TEX26: variants seen among roughly 807,000 people sequenced by gnomAD.
TEX26 encodes testis-expressed protein 26.
TEX26 carries 34 observed loss-of-function variants against 35.3 expected under a neutral mutation model. The observed-to-expected ratio is 0.96, with a 90% confidence interval of 0.73 to 1.28. TEX26 has a LOEUF of 1.28. Ranked by LOEUF, TEX26 falls within the 50% of genes most tolerant of loss-of-function variation. The pLI, the probability that TEX26 is intolerant of heterozygous loss-of-function variation, is 0.00. For synonymous variants in TEX26, 136 were observed against 111.8 expected (o/e 1.22, Z -1.36); for missense variants, 371 against 330.1 (o/e 1.12, Z -0.96).
intron 5 of TEX26, 52 bp from the exon 6 acceptor site, chr13:30,968,833 G>A (rs1001115245): frequency 5.7e-6 from 9 of 1,568,028 alleles, no homozygotes; most frequent in Non-Finnish European, 7.8e-6. Flanking sequence ...GGCAAGACTG[G>A]TGTGCTTGGG....
Position 30,970,815 on chromosome 13 carries a change from C to A in TEX26, c.808+1769C>A, listed in dbSNP as rs577972403. ...CTAGGGACTCCTCAAAGTGCTCTGG[C>A]AGCCTCAGATCTACATTCTCCAAGA... On this transcript the variant is annotated intron_variant, in intron 6 of 6. Coordinates refer to ENST00000380473, the MANE Select transcript of TEX26 (RefSeq NM_152325.3). Among the ~76,000 whole-genome samples the A allele has an allele frequency of 2.2e-4, 33 of 152,244 alleles. No individual in the cohort carries two copies. The South Asian group carries it at 6.2e-3, about 29-fold the overall frequency.
rs1953299751 is a variant in TEX26, at chr13:30,937,099, G to A, written c.62-2595G>A. The A allele has an allele frequency of 5.1e-6, 3 of 587,556 alleles. No individual in the cohort carries two copies. In the African/African-American group the frequency reaches 6.1e-5, roughly 12 times the overall value. The allele number at this position is 587,556 out of a possible 1,614,324, so 36.4% of individuals were successfully genotyped here. A position where few individuals can be genotyped will look rare whatever the true frequency, so the allele number is the denominator to read the frequency against. On this transcript the variant is annotated intron_variant, in intron 1 of 6. Transcript: ENST00000380473. ...AAGCAGGTTAGGATTAGGGAGTGGA[G>A]GGTGTGCCTGATCTGTACAAAGGTA...
intron 4 of TEX26, among the ~76,000 whole-genome samples, chr13:30,964,831 C>T (rs1199763009): frequency 1.3e-5 from 2 of 152,112 alleles, no homozygotes; most frequent in East Asian, 3.9e-4. Flanking sequence ...TTGTCAGGAA[C>T]CCACTCTTGC....
At chr13:30,937,414 A>G (rs1225894617) in intron 1 of TEX26, among the ~76,000 whole-genome samples, 3 of 152,190 alleles carry the variant, frequency 2.0e-5, no homozygotes, top group South Asian at 2.1e-4. Flanking sequence ...TTTGCCTTAG[A>G]AAAAACAGGG....
At chr13:30,949,539 T>C (rs1164493700) in intron 2 of TEX26, among the ~76,000 whole-genome samples, 2 of 152,040 alleles carry the variant, frequency 1.3e-5, no homozygotes, top group Non-Finnish European at 2.9e-5. Context: ...ATGGAATGCA[T>C]ATTATAGAGA....
Position 30,937,694 on chromosome 13 carries a change from A to C in TEX26, c.62-2000A>C, listed in dbSNP as rs201567582. On this transcript the variant is annotated intron_variant, in intron 1 of 6. Coordinates refer to ENST00000380473, the MANE Select transcript of TEX26 (RefSeq NM_152325.3). The stretch of plus-strand genomic sequence containing the variant: ...TTCTTGTAGAGCAGGATTAGAGAGC[A>C]GACACTAGGAGTGCATAGAAGCACA... Among the ~76,000 whole-genome samples the C allele has an allele frequency of 1.9e-4, 29 of 152,382 alleles. No individual in the cohort carries two copies. In the East Asian group the frequency reaches 4.2e-3, roughly 22 times the overall value.
chr13:30,946,019 G>A (rs1953695106), intron 2 of TEX26, among the ~76,000 whole-genome samples: 1 of 152,010 alleles, frequency 6.6e-6, no homozygotes, highest in South Asian at 2.1e-4. Context: ...GCTCAGGAAA[G>A]TTTTCCTCAA....
intron 3 of TEX26, 57 bp downstream of exon 3, chr13:30,952,882 T>C (rs1365615583): frequency 6.9e-6 from 10 of 1,443,802 alleles, no homozygotes; most frequent in Admixed American, 2.0e-5. Context: ...CAACAACTCA[T>C]AAGAATGAGA....
intron 1 of TEX26, chr13:30,933,468 A>G (rs1454584714): frequency 2.6e-5 from 4 of 152,242 alleles, no homozygotes; most frequent in Non-Finnish European, 5.9e-5. Context: ...CCGTGTAGTC[A>G]GCTCCATCAT....
At chr13:30,969,126 C>T (rs894376657) in intron 6 of TEX26, 80 bp downstream of exon 6, 77 of 1,309,400 alleles carry the variant, frequency 5.9e-5, no homozygotes, top group Non-Finnish European at 7.3e-5. Context: ...CAAGTTCTAG[C>T]CACTGGAGTT....
chr13:30,956,917 A>G lies in TEX26; in HGVS notation c.357A>G (p.Thr119=). 6.2e-7 allele frequency: 1 copy of G among 1,614,226 alleles called. No individual in the cohort carries two copies. Among genetic ancestry groups the G allele is most frequent in the Non-Finnish European group, 8.5e-7 (1 of 1,180,012 alleles). ...WTLPHCQQTG[T]LKNCLPWKIP... is the part of the protein sequence containing the mutation. ...TACCTCACTGTCAACAAACGGGGAC[A>G]CTAAAGAACTGCCTCCCTTGGAAAA... is the stretch of plus-strand genomic sequence containing the variant. Residue 119 remains threonine (T), a synonymous_variant, in exon 4 of 7, where the codon ACA becomes ACG. Coordinates refer to ENST00000380473, the MANE Select transcript of TEX26 (RefSeq NM_152325.3).
intron 1 of TEX26, chr13:30,933,751 C>G (rs1055936268): frequency 1.3e-5 from 2 of 152,070 alleles, no homozygotes; most frequent in African/African-American, 4.8e-5. Flanking sequence ...GGGAGGATCC[C>G]CTCCTAGCAT....
intron 6 of TEX26, among the ~76,000 whole-genome samples, chr13:30,973,679 G>C (rs759983452): frequency 5.3e-5 from 8 of 152,100 alleles, no homozygotes; most frequent in Non-Finnish European, 1.2e-4. Context: ...CGCACACACA[G>C]ACATCCCTGA....
intron 6 of TEX26, among the ~76,000 whole-genome samples, chr13:30,974,129 A>AT (rs1555271800): frequency 8.9e-5 from 7 of 79,006 alleles, no homozygotes; most frequent in Non-Finnish European, 1.3e-4. Flanking sequence ...TAAAAAAAAA[A>AT]AAATATATAT....
intron 4 of TEX26, among the ~76,000 whole-genome samples, chr13:30,960,232 T>C (rs2138295544): frequency 6.6e-6 from 1 of 152,302 alleles, no homozygotes; most frequent in South Asian, 2.1e-4. Context: ...AAAACTTCTA[T>C]ACCTTTTTTG....
At position 30,966,249 on chromosome 13, in the gene TEX26, T is replaced by C; in HGVS notation, c.497T>C (p.Leu166Ser). 1 of 1,614,030 alleles carries C rather than the reference T, an allele frequency of 6.2e-7. No individual in the cohort carries two copies. Among genetic ancestry groups the C allele is most frequent in the Middle Eastern group, 1.6e-4 (1 of 6,062 alleles). ...CAGAAGATTAAGAAAAGTTCTCACT[T>C]GTCTCTGGAATGGAAAAAGTTACTT... Reference protein sequence around the residue: ...KAQKIKKSSHLSLEWKKLLPQ... With the variant: ...KAQKIKKSSHSSLEWKKLLPQ... The change falls in exon 5 of 7, where the codon TTG (leucine) becomes TCG (serine). Residue 166 changes from leucine (L) to serine (S), a missense_variant. Transcript: ENST00000380473.
chr13:30,934,732 G>A (rs1238458626), intron 1 of TEX26, among the ~76,000 whole-genome samples: 1 of 152,176 alleles, frequency 6.6e-6, no homozygotes, highest in Non-Finnish European at 1.5e-5. Flanking sequence ...TGGGATGGGA[G>A]CTCCCTGTGC....
chr13:30,939,324 C>T (rs1323689670), intron 1 of TEX26, among the ~76,000 whole-genome samples: 1 of 152,102 alleles, frequency 6.6e-6, no homozygotes, highest in Non-Finnish European at 1.5e-5. Flanking sequence ...TTCCGTGTGT[C>T]TATAGGTACA....
At chr13:30,940,173 G>A (rs1255037793) in intron 2 of TEX26, among the ~76,000 whole-genome samples, 1 of 151,972 alleles carries the variant, frequency 6.6e-6, no homozygotes, top group Non-Finnish European at 1.5e-5. Flanking sequence ...TGTTATCATA[G>A]CATCACCAAG....
Sources: gnomAD v4.1 joint callset for allele counts (sites outside exome capture counted in the v4.1 genomes callset) on GRCh38, gnomAD v4.1.1 for gene constraint, MANE v1.5 for transcripts, NCBI Gene and HGNC (gene_info 2026-07-23, HGNC 2026-07-21) for gene names.